The following DAGLA variants were observed in gnomAD, a reference collection of about 807,000 sequenced individuals.
DAGLA encodes diacylglycerol lipase alpha, also known as diacylglycerol lipase-alpha.
In DAGLA, 22 loss-of-function variants were observed where a neutral mutation model predicts 102.6. The observed-to-expected ratio is 0.21, with a 90% CI of 0.15 to 0.31. The LOEUF is 0.31. Among genes scored for constraint, DAGLA ranks in the 10% least tolerant of loss-of-function variants. DAGLA has a pLI of 1.00. For missense variants in DAGLA, 927 were observed against 1,446.6 expected (o/e 0.64, Z 5.83); for synonymous variants, 578 against 628.9 (o/e 0.92, Z 1.21).
chr11:61,695,285 C>G (rs2065056183), intron 1 of DAGLA, among the ~76,000 whole-genome samples: 1 of 146,622 alleles, frequency 6.8e-6, no homozygotes, highest in Non-Finnish European at 1.5e-5. Context: ...CTCTAGGAAG[C>G]TTTCTCTGTC....
intron 1 of DAGLA, among the ~76,000 whole-genome samples, chr11:61,692,496 C>G (rs2065031791): frequency 6.6e-6 from 1 of 152,056 alleles, no homozygotes; most frequent in African/African-American, 2.4e-5. Flanking sequence ...TGGGCGGGGC[C>G]TGGGAGTCTG....
At chr11:61,732,923 T>C (rs531135462) in intron 9 of DAGLA, among the ~76,000 whole-genome samples, 1 of 152,214 alleles carries the variant, frequency 6.6e-6, no homozygotes, top group South Asian at 2.1e-4. Flanking sequence ...GCCCTAGCCC[T>C]GCCCTGGATG....
At chr11:61,723,374 G>A (rs1200812639) in intron 4 of DAGLA, 60 bp from the exon 5 acceptor site, 15 of 1,585,236 alleles carry the variant, frequency 9.5e-6, no homozygotes, top group Admixed American at 6.8e-5. Context: ...TCTTCAGAGC[G>A]GGTGAGCCAG....
At chr11:61,724,811 C>T (rs1001007015) in intron 5 of DAGLA, among the ~76,000 whole-genome samples, 1 of 152,170 alleles carries the variant, frequency 6.6e-6, no homozygotes, top group Non-Finnish European at 1.5e-5. Context: ...CCCTTCATGC[C>T]CCAGAAGGTG....
chr11:61,694,122 C>T (rs898552578), intron 1 of DAGLA, among the ~76,000 whole-genome samples: 1 of 152,262 alleles, frequency 6.6e-6, no homozygotes, highest in Non-Finnish European at 1.5e-5. Context: ...GTGACCTTGG[C>T]ACGTCAGCAT....
chr11:61,685,543 G>A (rs191134917), intron 1 of DAGLA, among the ~76,000 whole-genome samples: 338 of 152,008 alleles, frequency 2.2e-3, no homozygotes, highest in Middle Eastern at 0.014. Flanking sequence ...TTGAGCGCCT[G>A]CTGTGAGTTG....
intron 1 of DAGLA, among the ~76,000 whole-genome samples, chr11:61,709,685 G>C (rs1024530103): frequency 6.6e-6 from 1 of 152,112 alleles, no homozygotes; most frequent in African/African-American, 2.4e-5. Flanking sequence ...GGTGGTGGCA[G>C]GTGCCACCTC....
intron 13 of DAGLA, among the ~76,000 whole-genome samples, chr11:61,736,559 G>T (rs2065424624): frequency 6.6e-6 from 1 of 152,220 alleles, no homozygotes; most frequent in Non-Finnish European, 1.5e-5. Flanking sequence ...ACAGTCATTG[G>T]GCACCTGATT....
In DAGLA at chr11:61,711,642, A is replaced by G. The variant is rs969938745; in HGVS notation, c.-44-8470A>G. Among the ~76,000 whole-genome samples the G allele has an allele frequency of 9.2e-5, 14 of 152,250 alleles. No homozygotes were observed. The East Asian group carries it at 9.6e-4, about 10-fold the overall frequency. On this transcript the variant is annotated intron_variant, in intron 1 of 19. Transcript: ENST00000257215. The stretch of plus-strand genomic sequence containing the variant: ...AACCAGCAGGAAACGAAAGGCCTCA[A>G]TTGATTCCCAGGGAGTTGGCTGGTG...
chr11:61,685,863 T>C (rs1231496745), intron 1 of DAGLA, among the ~76,000 whole-genome samples: 1 of 152,080 alleles, frequency 6.6e-6, no homozygotes, highest in African/African-American at 2.4e-5. Flanking sequence ...GCTGCCCGTC[T>C]GTTGTGTGCT....
chr11:61,701,456 C>T (rs1338576532), intron 1 of DAGLA, among the ~76,000 whole-genome samples: 1 of 152,222 alleles, frequency 6.6e-6, no homozygotes, highest in African/African-American at 2.4e-5. Flanking sequence ...TGCTGTCTTC[C>T]TCTGGTCTCG....
chr11:61,741,288 C>T lies in DAGLA; in HGVS notation c.2110C>T (p.Pro704Ser). 6.2e-7 allele frequency: 1 copy of T among 1,612,840 alleles called. No individual in the cohort carries two copies. The highest frequency in any genetic ancestry group is 8.5e-7 in the Non-Finnish European group (1 of 1,180,022). ...FQQQPLPTGP[P>S]MPTGLALELP... ...GCAGCAGCCACTCCCCACGGGGCCGCCCATGCCCACTGGCCTTGCCCTGGA... is the reference window on the plus strand; with the variant it reads ...GCAGCAGCCACTCCCCACGGGGCCGTCCATGCCCACTGGCCTTGCCCTGGA... The change falls in exon 19 of 20, where the codon CCC becomes TCC. Residue 704 changes from proline to serine, a missense_variant. Transcript: ENST00000257215.
chr11:61,738,315 C>T, intron 16 of DAGLA, 108 bp downstream of exon 16: 1 of 917,548 alleles, frequency 1.1e-6, no homozygotes, highest in Non-Finnish European at 1.7e-6. Flanking sequence ...CATGGAAGGC[C>T]AGGGCAGGGT....
At chr11:61,729,525 A>G (rs2065357712) in intron 8 of DAGLA, among the ~76,000 whole-genome samples, 2 of 150,014 alleles carry the variant, frequency 1.3e-5, no homozygotes, top group African/African-American at 2.4e-5. Flanking sequence ...CTGAAACCAC[A>G]GCTGGCAGCC....
At chr11:61,726,266 G>A (rs985387219) in intron 6 of DAGLA, among the ~76,000 whole-genome samples, 184 bp downstream of exon 6, 4 of 152,224 alleles carry the variant, frequency 2.6e-5, no homozygotes, top group African/African-American at 4.8e-5. Context: ...GCTCCAGCAC[G>A]CAGGACCACG....
chr11:61,738,052 G>T, intron 15 of DAGLA, 83 bp from the exon 16 acceptor site: 1 of 1,114,730 alleles, frequency 9.0e-7, no homozygotes. Flanking sequence ...CTAGGCGTGT[G>T]CCTGCCCCTC....
At chr11:61,688,792 G>A (rs927486399) in intron 1 of DAGLA, among the ~76,000 whole-genome samples, 2 of 152,244 alleles carry the variant, frequency 1.3e-5, no homozygotes, top group East Asian at 3.8e-4. Context: ...CATGCGGAAA[G>A]CCTTGTGAGG....
chr11:61,682,856 G>GT (rs946244080), intron 1 of DAGLA, among the ~76,000 whole-genome samples: 3 of 148,386 alleles, frequency 2.0e-5, no homozygotes, highest in Non-Finnish European at 4.6e-5. Context: ...GGGGACGGGG[G>GT]GGGGAGGTGT....
At position 61,737,726 on chromosome 11, in the gene DAGLA, T is replaced by C. The variant is rs772065766; in HGVS notation, c.1554T>C (p.Ala518=). The C allele has an allele frequency of 1.9e-6, 3 of 1,613,976 alleles. No individual in the cohort carries two copies. The East Asian group carries it at 6.7e-5, about 36-fold the overall frequency. The change falls in exon 15 of 20, where the codon GCT becomes GCC. Residue 518 remains alanine, a synonymous_variant. Coordinates refer to ENST00000257215, the MANE Select transcript of DAGLA (RefSeq NM_006133.3). The stretch of plus-strand genomic sequence containing the variant: ...AGTATTCCAAGGAGTTCGTGACTGC[T>C]GTGGTTCTGGGCAAAGACCTCGTCC... The part of the protein sequence containing the change: ...AMEYSKEFVT[A]VVLGKDLVPR...
Sources: gnomAD v4.1 joint callset for allele counts (sites outside exome capture counted in the v4.1 genomes callset) on GRCh38, gnomAD v4.1.1 for gene constraint, MANE v1.5 for transcripts, NCBI Gene and HGNC (gene_info 2026-07-23, HGNC 2026-07-21) for gene names.